The following DIS3L2 variants were observed in gnomAD, a reference collection of about 807,000 sequenced individuals.
DIS3L2 encodes DIS3 like 3'-5' exoribonuclease 2.
In DIS3L2, 34 loss-of-function variants were observed where a neutral mutation model predicts 97.5. That is an observed-to-expected ratio of 0.35 (90% CI 0.27 to 0.46). The LOEUF (loss-of-function observed/expected upper bound fraction) is 0.46. Among genes scored for constraint, DIS3L2 ranks in the 20% least tolerant of loss-of-function variants. DIS3L2 has a pLI of 1.00. For missense variants in DIS3L2, 1,038 were observed against 1,146.0 expected, an observed-to-expected ratio of 0.91 and a Z score of 1.36; for synonymous variants, 435 against 445.2, an observed-to-expected ratio of 0.98 and a Z score of 0.29.
At chr2:232,262,591 A>G (rs1450650888) in intron 12 of DIS3L2, among the ~76,000 whole-genome samples, 7 of 152,226 alleles carry the variant, frequency 4.6e-5, no homozygotes, top group African/African-American at 1.7e-4. Flanking sequence ...GATACTGCTG[A>G]ACATTTTATA....
At chr2:232,175,976 A>G (rs1254490208) in intron 9 of DIS3L2, among the ~76,000 whole-genome samples, 1 of 152,078 alleles carries the variant, frequency 6.6e-6, no homozygotes, top group Non-Finnish European at 1.5e-5. Context: ...TGCAACCTCC[A>G]CTTCCTGGGT....
chr2:232,167,273 C>T (rs2129778), intron 9 of DIS3L2, among the ~76,000 whole-genome samples: 140,824 of 152,160 alleles, frequency 0.93, 65,234 homozygotes, highest in East Asian at 1. Context: ...TAGTCTATTA[C>T]GTACATTATA....
In DIS3L2 at chr2:232,269,965, A is replaced by G. The variant is rs1012656659; in HGVS notation, c.1659+6525A>G. On this transcript the variant is annotated intron_variant, in intron 13 of 20. Coordinates refer to ENST00000325385, the MANE Select transcript of DIS3L2 (RefSeq NM_152383.5). The surrounding 1 kb of genome is among the most constrained non-coding windows in gnomAD (Gnocchi z 4.5). ...AACCTGAGGTAGGGACCGTGGGGTG[A>G]GAGAAGATGATGGACCGACCCAAGA... Among the ~76,000 whole-genome samples, 3 of 152,180 alleles carry G rather than the reference A, an allele frequency of 2.0e-5. No homozygotes were observed. In the East Asian group the frequency reaches 5.8e-4, roughly 29 times the overall value.
chr2:232,066,747 T>C (rs192037677), intron 5 of DIS3L2, among the ~76,000 whole-genome samples: 86 of 152,180 alleles, frequency 5.7e-4, no homozygotes, highest in Non-Finnish European at 1.1e-3. Context: ...TCTTTATTGA[T>C]ATAGAGTGTG....
At chr2:232,315,653 G>A (rs934804667) in intron 14 of DIS3L2, among the ~76,000 whole-genome samples, 1 of 152,094 alleles carries the variant, frequency 6.6e-6, no homozygotes, top group Admixed American at 6.5e-5. Context: ...GCTATAAATC[G>A]CCTAGTGGCT....
chr2:232,216,466 C>T (rs1692336188), intron 10 of DIS3L2, among the ~76,000 whole-genome samples: 1 of 152,188 alleles, frequency 6.6e-6, no homozygotes, highest in Non-Finnish European at 1.5e-5. Context: ...CTGGTTTCCC[C>T]TTTCCCTGCA....
intron 5 of DIS3L2, among the ~76,000 whole-genome samples, chr2:232,052,578 A>G (rs969796933): frequency 6.6e-6 from 1 of 152,022 alleles, no homozygotes; most frequent in Non-Finnish European, 1.5e-5. Flanking sequence ...CATACCCTTA[A>G]TCTTGGGCAC....
chr2:231,979,641 G>C (rs1450524943), intron 1 of DIS3L2, among the ~76,000 whole-genome samples: 2 of 151,138 alleles, frequency 1.3e-5, no homozygotes, highest in African/African-American at 4.9e-5. Flanking sequence ...GCAGTGGTGT[G>C]ATCTCGGCTC....
At position 232,205,205 on chromosome 2, in the gene DIS3L2, A is replaced by G. The variant is rs894084923; in HGVS notation, c.1125-5121A>G. 1.5e-4 allele frequency among the ~76,000 whole-genome samples: 15 copies of G among 98,406 alleles called. 1 individual carries two copies. The highest frequency in any genetic ancestry group is 7.3e-4 in the African/African-American group (15 of 20,468). 64.6% of individuals were successfully genotyped at this position (98,406 alleles called of 152,430 possible). On this transcript the variant is annotated intron_variant, in intron 9 of 20. Coordinates refer to ENST00000325385, the MANE Select transcript of DIS3L2 (RefSeq NM_152383.5). ...CTTTTATCCAAAAATATTTGAAGGC[A>G]GTTTACATATATATATATATATATA...
chr2:232,337,288 C>CGGAGCTGGT, downstream of DIS3L2: 1 of 780,256 alleles, frequency 1.3e-6, no homozygotes, highest in Non-Finnish European at 1.6e-6. Context: ...GCACCAGCTC[C>CGGAGCTGGT]GCAGGGCCTG....
intron 6 of DIS3L2, among the ~76,000 whole-genome samples, chr2:232,105,164 C>T (rs1697325951): frequency 6.6e-6 from 1 of 152,188 alleles, no homozygotes; most frequent in Non-Finnish European, 1.5e-5. Flanking sequence ...TGAATTATTT[C>T]TACCTTTGGC....
intron 5 of DIS3L2, among the ~76,000 whole-genome samples, chr2:232,044,461 G>A (rs2106256341): frequency 6.6e-6 from 1 of 152,246 alleles, no homozygotes; most frequent in South Asian, 2.1e-4. Context: ...TGGTAATTGA[G>A]GGGATGGTGG....
At chr2:232,334,176 GC>G (rs1450705465) in intron 17 of DIS3L2, among the ~76,000 whole-genome samples, 189 bp downstream of exon 17, 2 of 152,186 alleles carry the variant, frequency 1.3e-5, no homozygotes, top group Non-Finnish European at 2.9e-5. Context: ...GCTGCATGGA[GC>G]CCACAGCCAG....
chr2:232,156,007 T>C (rs964600509), intron 8 of DIS3L2, among the ~76,000 whole-genome samples: 1 of 152,108 alleles, frequency 6.6e-6, no homozygotes, highest in Non-Finnish European at 1.5e-5. Flanking sequence ...AAAAAAAGTT[T>C]TCTATTCCAA....
chr2:231,981,487 T>C (rs1296916224), intron 1 of DIS3L2, among the ~76,000 whole-genome samples: 1 of 150,558 alleles, frequency 6.6e-6, no homozygotes, highest in East Asian at 1.9e-4. Flanking sequence ...TTTATTCCTC[T>C]TCCTTTTCTG....
At chr2:232,085,498 C>G (rs1574862270) in intron 5 of DIS3L2, among the ~76,000 whole-genome samples, 1 of 152,134 alleles carries the variant, frequency 6.6e-6, no homozygotes, top group African/African-American at 2.4e-5. Flanking sequence ...TGATCAAATT[C>G]ATTTTTTATA....
chr2:232,168,981 A>G (rs2106169271), intron 9 of DIS3L2, among the ~76,000 whole-genome samples: 1 of 152,318 alleles, frequency 6.6e-6, no homozygotes, highest in South Asian at 2.1e-4. Flanking sequence ...GTGAACAAAA[A>G]TAGATGTATT....
chr2:232,336,080 C>A, intron 20 of DIS3L2: 5 of 1,541,164 alleles, frequency 3.2e-6, no homozygotes, highest in Non-Finnish European at 4.4e-6. Flanking sequence ...TTGGGGGCAA[C>A]CACAGTGGAG....
At chr2:232,170,668 C>A (rs1193610095) in intron 9 of DIS3L2, among the ~76,000 whole-genome samples, 1 of 152,078 alleles carries the variant, frequency 6.6e-6, no homozygotes, top group Admixed American at 6.6e-5. Context: ...ATAAACAGGA[C>A]ATTGTATTCA....
Sources: gnomAD v4.1 joint callset for allele counts (sites outside exome capture counted in the v4.1 genomes callset) on GRCh38, gnomAD v4.1.1 for gene constraint, Gnocchi (gnomAD v3.1) non-coding constraint, MANE v1.5 for transcripts, NCBI Gene and HGNC (gene_info 2026-07-23, HGNC 2026-07-21) for gene names.